ITGAV: variants seen among roughly 807,000 people sequenced by gnomAD.
The protein encoded by ITGAV is integrin subunit alpha V.
In ITGAV, 76 loss-of-function variants were observed where a neutral mutation model predicts 143.8. The ratio of observed to expected loss-of-function variants is 0.53; its 90% CI spans 0.44 to 0.64. The LOEUF (loss-of-function observed/expected upper bound fraction) is 0.64, where lower values mean the gene tolerates loss of function less well. Ranked by LOEUF, ITGAV falls within the 30% of genes least tolerant of loss-of-function variation. ITGAV has a pLI of 0.00. For synonymous variants in ITGAV, 453 were observed against 446.7 expected, an observed-to-expected ratio of 1.01 and a Z score of -0.18; for missense variants, 1,193 against 1,274.7, an observed-to-expected ratio of 0.94 and a Z score of 0.98.
intron 13 of ITGAV, among the ~76,000 whole-genome samples, chr2:186,648,980 A>C (rs1046701865): frequency 1.4e-5 from 2 of 142,318 alleles, no homozygotes; most frequent in African/African-American, 5.1e-5. Flanking sequence ...TTGTATATAT[A>C]TACATTTGTG....
At chr2:186,615,545 A>T (rs970472782) in intron 2 of ITGAV, among the ~76,000 whole-genome samples, 1 of 151,936 alleles carries the variant, frequency 6.6e-6, no homozygotes. Flanking sequence ...ATTTGCATTT[A>T]CCCGATGATG....
At chr2:186,622,608 T>G (rs1200308795) in intron 3 of ITGAV, among the ~76,000 whole-genome samples, 178 bp downstream of exon 3, 1 of 152,204 alleles carries the variant, frequency 6.6e-6, no homozygotes, top group Non-Finnish European at 1.5e-5. Flanking sequence ...TCTCTTGCCC[T>G]TCTTGAACAG....
chr2:186,661,419 G>A (rs955805629), intron 18 of ITGAV, among the ~76,000 whole-genome samples: 3 of 152,040 alleles, frequency 2.0e-5, no homozygotes. Context: ...CCCATTTCAA[G>A]TGCTCAGAAG....
Position 186,667,762 on chromosome 2 carries a change from C to G in ITGAV, c.2419C>G (p.Gln807Glu), listed in dbSNP as rs756115884. 6 of 1,608,108 alleles carry G rather than the reference C, an allele frequency of 3.7e-6. No homozygotes were observed. The highest frequency in any genetic ancestry group is 5.1e-6 in the Non-Finnish European group (6 of 1,175,874). The change falls in exon 24 of 30, where the codon CAG becomes GAG. Residue 807 changes from glutamine (Q) to glutamate (E), a missense_variant. By Grantham distance (29) the Gln-to-Glu change is conservative (BLOSUM62 2). Coordinates refer to ENST00000261023, the MANE Select transcript of ITGAV (RefSeq NM_002210.5). ...ETEEDVGPVV[Q>E]HIYELRNNGP... is the part of the protein sequence containing the mutation. ...TGAAGAAGATGTTGGGCCAGTTGTT[C>G]AGCACATCTATGAGGTTTGCAGTTG... is the stretch of plus-strand genomic sequence containing the variant.
At position 186,641,637 on chromosome 2, in the gene ITGAV, C is replaced by T. The variant is rs748224384; in HGVS notation, c.1159+49C>T. 1.4e-5 allele frequency: 21 copies of T among 1,508,746 alleles called. No individual in the cohort carries two copies. In the East Asian group the frequency reaches 3.4e-4, roughly 24 times the overall value. 93.5% of individuals were successfully genotyped at this position (1,508,746 alleles called of 1,614,324 possible). A position where few individuals can be genotyped will look rare whatever the true frequency, so the allele number is the denominator to read the frequency against. On this transcript the variant is annotated intron_variant, in intron 12 of 29. Coordinates refer to ENST00000261023, the MANE Select transcript of ITGAV (RefSeq NM_002210.5). ...CAGGTCCCTGATTATCTGTGTCCAC[C>T]TGGAAAAGTTCTGTAAGTCCATCTG... is the stretch of plus-strand genomic sequence containing the variant.
chr2:186,640,136 T>C (rs1688061580), intron 10 of ITGAV, among the ~76,000 whole-genome samples: 1 of 152,222 alleles, frequency 6.6e-6, no homozygotes. Context: ...ATATTTAATC[T>C]GTCATCTCTT....
intron 17 of ITGAV, among the ~76,000 whole-genome samples, chr2:186,657,536 A>C (rs1688625533): frequency 6.6e-6 from 1 of 152,246 alleles, no homozygotes; most frequent in Non-Finnish European, 1.5e-5. Flanking sequence ...ACCGTATTAC[A>C]ATGAAAATGT....
chr2:186,679,668 A>AT lies in ITGAV; in HGVS notation c.*2378dup, dbSNP rs1284171062. 1.3e-5 allele frequency: 2 copies of AT among 152,174 alleles called. No individual in the cohort carries two copies. The highest frequency in any genetic ancestry group is 4.8e-5 in the African/African-American group (2 of 41,578). The allele number at this position is 152,174 out of a possible 1,614,324, so 9.4% of individuals were successfully genotyped here. Reference sequence around the variant, plus strand: ...AGAAAACATGAATGAACTAGAAGATATTAAAAACATTTGACATTGGTAAGA... The same window carrying AT: ...AGAAAACATGAATGAACTAGAAGATATTTAAAAACATTTGACATTGGTAAGA... On this transcript the variant is annotated 3_prime_UTR_variant, in exon 30 of 30. Coordinates refer to ENST00000261023, the MANE Select transcript of ITGAV (RefSeq NM_002210.5).
At chr2:186,611,715 C>T (rs980214864) in intron 2 of ITGAV, among the ~76,000 whole-genome samples, 1 of 152,124 alleles carries the variant, frequency 6.6e-6, no homozygotes, top group African/African-American at 2.4e-5. Flanking sequence ...CACAATTTCC[C>T]CATCTGTCAA....
chr2:186,667,223 A>T lies in ITGAV; in HGVS notation c.2320A>T (p.Ile774Leu). The T allele has an allele frequency of 1.2e-6, 2 of 1,607,794 alleles. No individual in the cohort carries two copies. The highest frequency in any genetic ancestry group is 1.7e-6 in the Non-Finnish European group (2 of 1,174,848). The change falls in exon 23 of 30, where the codon ATA (isoleucine) becomes TTA (leucine). Residue 774 changes from isoleucine to leucine, a missense_variant. Transcript: ENST00000261023. ...VDLAVLAAVE[I>L]RGVSSPDHVF... ...TCTTGCTGTTTTAGCTGCAGTTGAGATAAGAGGGTCAGTATGAATACTTAG... is the reference window on the plus strand; with the variant it reads ...TCTTGCTGTTTTAGCTGCAGTTGAGTTAAGAGGGTCAGTATGAATACTTAG...
At chr2:186,627,889 G>C (rs1234014779) in intron 4 of ITGAV, among the ~76,000 whole-genome samples, 1 of 152,104 alleles carries the variant, frequency 6.6e-6, no homozygotes, top group Non-Finnish European at 1.5e-5. Context: ...TTTCTAATAG[G>C]CCTGACACTT....
intron 18 of ITGAV, among the ~76,000 whole-genome samples, chr2:186,661,577 C>T (rs1388292015): frequency 6.8e-6 from 1 of 147,170 alleles, no homozygotes; most frequent in Non-Finnish European, 1.5e-5. Flanking sequence ...TTCAAATACA[C>T]ATTAAGTTTT....
intron 26 of ITGAV, among the ~76,000 whole-genome samples, chr2:186,670,626 A>G (rs1264053777): frequency 1.3e-5 from 2 of 152,132 alleles, no homozygotes; most frequent in Non-Finnish European, 2.9e-5. Context: ...AGTGATCACT[A>G]GTTACTTTTA....
At chr2:186,592,988 A>G (rs144264545) in intron 1 of ITGAV, among the ~76,000 whole-genome samples, 186 of 152,290 alleles carry the variant, frequency 1.2e-3, no homozygotes, top group African/African-American at 4.2e-3. Context: ...TTTAAATTTA[A>G]CAAGCATTGG....
intron 13 of ITGAV, among the ~76,000 whole-genome samples, chr2:186,649,032 GTGTGTATA>G (rs1688350275): frequency 4.6e-5 from 1 of 21,890 alleles, no homozygotes. Context: ...ATACACATTT[GTGTGTATA>G]TATATACACA....
intron 1 of ITGAV, chr2:186,600,298 T>TCCCCCCCCCCCCCCCCC: frequency 6.5e-7 from 1 of 1,528,530 alleles, no homozygotes; most frequent in Non-Finnish European, 8.9e-7. Flanking sequence ...ACTTCCCTCA[T>TCCCCCCCCCCCCCCCCC]CCCCACCCCC....
chr2:186,642,510 T>G (rs1688134466), intron 12 of ITGAV, among the ~76,000 whole-genome samples: 1 of 150,802 alleles, frequency 6.6e-6, no homozygotes, highest in Non-Finnish European at 1.5e-5. Context: ...AGTCATTTCT[T>G]TTTCTTTGTT....
intron 10 of ITGAV, among the ~76,000 whole-genome samples, chr2:186,640,047 G>T (rs1156577564): frequency 6.6e-6 from 1 of 152,120 alleles, no homozygotes; most frequent in Non-Finnish European, 1.5e-5. Flanking sequence ...ATTCTCCCTT[G>T]ATATCTGAGC....
intron 26 of ITGAV, among the ~76,000 whole-genome samples, chr2:186,671,030 C>A (rs1346959139): frequency 6.6e-6 from 1 of 152,142 alleles, no homozygotes; most frequent in Non-Finnish European, 1.5e-5. Flanking sequence ...TCAGTATTTT[C>A]TTTCAAAATA....
Sources: allele counts gnomAD v4.1 joint callset (sites outside exome capture counted in the v4.1 genomes callset), GRCh38; gene constraint gnomAD v4.1.1; transcripts MANE v1.5; gene names NCBI Gene and HGNC (gene_info 2026-07-23, HGNC 2026-07-21).